Variants in RNF150 observed in about 807,000 individuals in gnomAD.
RNF150 encodes ring finger protein 150.
A neutral mutation model predicts 39.3 loss-of-function variants in RNF150; 24 were observed. That is an observed-to-expected ratio of 0.61 (90% CI 0.44 to 0.86). The LOEUF (loss-of-function observed/expected upper bound fraction) is 0.86. RNF150 is among the 40% of genes least tolerant of loss of function. The pLI, the probability that RNF150 is intolerant of heterozygous loss-of-function variation, is 0.00. For synonymous variants in RNF150, 255 were observed against 227.3 expected (o/e 1.12, Z -1.10); for missense variants, 502 against 587.8 (o/e 0.85, Z 1.51).
chr4:141,039,951 C>A (rs949966529), intron 1 of RNF150, among the ~76,000 whole-genome samples: 1 of 152,124 alleles, frequency 6.6e-6, no homozygotes, highest in African/African-American at 2.4e-5. Flanking sequence ...TCCTCCCCTG[C>A]GTGCCCTGAT....
At chr4:141,160,316 G>C (rs1321395638) in intron 1 of RNF150, among the ~76,000 whole-genome samples, 1 of 152,202 alleles carries the variant, frequency 6.6e-6, no homozygotes, top group Non-Finnish European at 1.5e-5. Flanking sequence ...GGAAGGAAGT[G>C]ACTGAAGGAA....
intron 2 of RNF150, among the ~76,000 whole-genome samples, chr4:140,963,405 C>T (rs1398639882): frequency 6.6e-6 from 1 of 151,888 alleles, no homozygotes; most frequent in Non-Finnish European, 1.5e-5. Context: ...ATGTCCTATA[C>T]ATGCACTGCC....
intron 6 of RNF150, among the ~76,000 whole-genome samples, chr4:140,884,992 C>T (rs777001610): frequency 1.3e-5 from 2 of 152,094 alleles, no homozygotes; most frequent in Non-Finnish European, 2.9e-5. Context: ...TAACTTGTTT[C>T]TGTTATTTCT....
chr4:141,081,002 G>A lies in RNF150; in HGVS notation c.484+51323C>T, dbSNP rs747862006. 6.1e-4 allele frequency among the ~76,000 whole-genome samples: 93 copies of A among 152,130 alleles called. 1 individual carries two copies. Among genetic ancestry groups the A allele is most frequent in the South Asian group, 2.1e-4 (1 of 4,822 alleles). ...GTTTACCGGATCACATGTCCAATGC[G>A]GTTGTCACCATTGCAGAGCAGCACG... is the stretch of plus-strand genomic sequence containing the variant. On this transcript the variant is annotated intron_variant, in intron 1 of 6. Transcript: ENST00000515673.
chr4:141,028,606 G>C (rs1560697181), intron 1 of RNF150, among the ~76,000 whole-genome samples: 1 of 152,146 alleles, frequency 6.6e-6, no homozygotes, highest in Non-Finnish European at 1.5e-5. Context: ...AGTGTAGTAT[G>C]TATCATGTTC....
intron 1 of RNF150, among the ~76,000 whole-genome samples, chr4:140,996,331 T>A (rs1734376025): frequency 6.6e-6 from 1 of 152,180 alleles, no homozygotes; most frequent in East Asian, 1.9e-4. Context: ...ATTGTTAGAT[T>A]TTTTTCCTAT....
Position 141,132,959 on chromosome 4 carries a change from G to T in RNF150, c.-151C>A. ...GCCGCGGCCGGGACGCGCAGCCGCC[G>T]CGGGGACCGGATTCCGGGCGAGCGG... On this transcript the variant is annotated 5_prime_UTR_variant, in exon 1 of 7. Coordinates refer to ENST00000515673, the MANE Select transcript of RNF150 (RefSeq NM_020724.2). The surrounding 1 kb of genome is among the most constrained non-coding windows in gnomAD (Gnocchi z 4.9). 1.7e-6 allele frequency: 1 copy of T among 596,130 alleles called. No homozygotes were observed. Among genetic ancestry groups the T allele is most frequent in the Non-Finnish European group, 2.8e-6 (1 of 354,924 alleles). 36.9% of individuals were successfully genotyped at this position (596,130 alleles called of 1,614,324 possible). A position where few individuals can be genotyped will look rare whatever the true frequency, so the allele number is the denominator to read the frequency against.
At chr4:140,954,755 A>G (rs1382662612) in intron 2 of RNF150, among the ~76,000 whole-genome samples, 2 of 152,202 alleles carry the variant, frequency 1.3e-5, no homozygotes, top group Non-Finnish European at 2.9e-5. Context: ...ATAAATTAGT[A>G]ATCTAAATAT....
At chr4:141,153,133 A>G (rs533750598) in intron 1 of RNF150, among the ~76,000 whole-genome samples, 66 of 152,272 alleles carry the variant, frequency 4.3e-4, no homozygotes, top group African/African-American at 1.5e-3. Flanking sequence ...TGCTGGGAGT[A>G]TATTGTCATT....
chr4:140,962,450 C>T (rs545800538), intron 2 of RNF150, among the ~76,000 whole-genome samples: 146 of 150,352 alleles, frequency 9.7e-4, no homozygotes, highest in African/African-American at 3.5e-3. Context: ...TTCATATATA[C>T]GTATATGATA....
At chr4:140,920,251 A>G (rs1195615022) in intron 5 of RNF150, among the ~76,000 whole-genome samples, 2 of 147,590 alleles carry the variant, frequency 1.4e-5, no homozygotes, top group African/African-American at 5.0e-5. Context: ...TGAACAGGCA[A>G]CCTACAAAAT....
intron 2 of RNF150, among the ~76,000 whole-genome samples, chr4:140,954,711 G>A (rs1350445721): frequency 1.3e-5 from 2 of 151,928 alleles, no homozygotes; most frequent in African/African-American, 4.8e-5. Context: ...TAACAAGAAT[G>A]GTAAACAACA....
intron 1 of RNF150, among the ~76,000 whole-genome samples, chr4:141,142,874 CTTT>C (rs780341978): frequency 7.0e-6 from 1 of 142,368 alleles, no homozygotes; most frequent in Admixed American, 7.1e-5. Context: ...TCTTTTTTCT[CTTT>C]TTTTTTTTTT....
chr4:141,196,092 A>G (rs1239741942), intron 1 of RNF150, among the ~76,000 whole-genome samples: 1 of 152,172 alleles, frequency 6.6e-6, no homozygotes, highest in Non-Finnish European at 1.5e-5. Context: ...ACCCCAAGAA[A>G]CAACAGGTAA....
At chr4:141,118,555 C>G (rs762199932) in intron 1 of RNF150, among the ~76,000 whole-genome samples, 3 of 152,026 alleles carry the variant, frequency 2.0e-5, no homozygotes, top group Non-Finnish European at 4.4e-5. Context: ...AACACTGGGC[C>G]CCAATCAGGC....
intron 1 of RNF150, among the ~76,000 whole-genome samples, chr4:141,044,771 G>GCGCGCACACA (rs1553940748): frequency 6.8e-6 from 1 of 146,582 alleles, no homozygotes; most frequent in Non-Finnish European, 1.5e-5. Flanking sequence ...GGTGTGCAGC[G>GCGCGCACACA]CACACACACA....
At chr4:141,091,220 GA>G (rs1348765437) in intron 1 of RNF150, among the ~76,000 whole-genome samples, 4 of 152,166 alleles carry the variant, frequency 2.6e-5, no homozygotes, top group Non-Finnish European at 4.4e-5. Flanking sequence ...TAATGTGGGG[GA>G]TAATTGTAGC....
intron 4 of RNF150, among the ~76,000 whole-genome samples, chr4:140,946,349 A>C (rs529188341): frequency 6.6e-6 from 1 of 152,176 alleles, no homozygotes; most frequent in African/African-American, 2.4e-5. Flanking sequence ...CCATTCCTCT[A>C]AAGTAATTTT....
intron 1 of RNF150, among the ~76,000 whole-genome samples, chr4:141,147,694 A>G (rs2111135158): frequency 6.6e-6 from 1 of 152,230 alleles, no homozygotes; most frequent in South Asian, 2.1e-4. Flanking sequence ...TCATTCCTAC[A>G]AGGGTAGACT....
Sources: allele counts gnomAD v4.1 joint callset (sites outside exome capture counted in the v4.1 genomes callset), GRCh38; gene constraint gnomAD v4.1.1; non-coding constraint Gnocchi (gnomAD v3.1); transcripts MANE v1.5; gene names NCBI Gene and HGNC (gene_info 2026-07-23, HGNC 2026-07-21).